The following PBRM1 variants were observed in gnomAD, a reference collection of about 807,000 sequenced individuals.
The protein encoded by PBRM1 is polybromo 1.
In PBRM1, 27 loss-of-function variants were observed where a neutral mutation model predicts 194.5. That is an observed-to-expected ratio of 0.14 (90% confidence interval 0.10 to 0.19). PBRM1 has a LOEUF of 0.19. Among genes scored for constraint, PBRM1 ranks in the 10% least tolerant of loss-of-function variants. The pLI is 1.00. For synonymous variants in PBRM1, 655 were observed against 693.2 expected (o/e 0.94, Z 0.87); for missense variants, 1,466 against 2,077.2 (o/e 0.71, Z 5.72).
At chr3:52,676,268 TG>T (rs914735681) in intron 2 of PBRM1, among the ~76,000 whole-genome samples, 5 of 152,234 alleles carry the variant, frequency 3.3e-5, no homozygotes, top group African/African-American at 1.2e-4. Context: ...CAATACAGTT[TG>T]GCTGTATCCC....
chr3:52,554,843 A>C, exon 27 of PBRM1: 1 of 1,607,176 alleles, frequency 6.2e-7, no homozygotes, highest in Non-Finnish European at 8.5e-7. Flanking sequence ...TGGGCCCTGC[A>C]AAGGTGGAAG....
intron 20 of PBRM1, among the ~76,000 whole-genome samples, chr3:52,584,999 T>C (rs2092144506): frequency 6.6e-6 from 1 of 152,162 alleles, no homozygotes; most frequent in Non-Finnish European, 1.5e-5. Flanking sequence ...TACCAAATAA[T>C]CTTTCCTTTG....
intron 22 of PBRM1, among the ~76,000 whole-genome samples, chr3:52,566,518 G>C (rs1009434567): frequency 2.0e-5 from 3 of 152,146 alleles, no homozygotes; most frequent in African/African-American, 7.2e-5. Context: ...ACATGGATGA[G>C]CCTTGAAAAC....
intron 4 of PBRM1, 97 bp from the exon 6 acceptor site, chr3:52,658,412 C>A (rs953306115): frequency 4.3e-5 from 19 of 445,672 alleles, no homozygotes; most frequent in Non-Finnish European, 7.3e-5. Flanking sequence ...AAAACAGCAA[C>A]TTTTTTTTTT....
downstream of PBRM1, chr3:52,545,411 TG>T: frequency 4.3e-6 from 1 of 231,022 alleles, no homozygotes; most frequent in Non-Finnish European, 8.6e-6. Flanking sequence ...AAGCTTTAGA[TG>T]AACAACAAAA....
At chr3:52,583,407 TA>T (rs1246561017) in intron 20 of PBRM1, among the ~76,000 whole-genome samples, 2 of 142,334 alleles carry the variant, frequency 1.4e-5, no homozygotes, top group Non-Finnish European at 1.5e-5. Context: ...AGACTCCATC[TA>T]AAAAAAAACA....
chr3:52,557,497 C>T (rs941500469), intron 26 of PBRM1, among the ~76,000 whole-genome samples: 4 of 152,150 alleles, frequency 2.6e-5, no homozygotes, highest in African/African-American at 9.7e-5. Flanking sequence ...GAGAAGTGGT[C>T]TGCAGACTTC....
rs1161254980 is a variant in PBRM1, at chr3:52,643,348, C to G, written c.900-5G>C. ...GCAGCCAAGTTGGATGGAGTCCTATCCAGAGATAAGATAAAAAGCTTAGAA... is the reference window on the plus strand; with the variant it reads ...GCAGCCAAGTTGGATGGAGTCCTATGCAGAGATAAGATAAAAAGCTTAGAA... On this transcript the variant is annotated splice_polypyrimidine_tract_variant and splice_region_variant and intron_variant, in intron 8 of 29. Coordinates refer to ENST00000296302, the Ensembl canonical transcript of PBRM1. 1 of 1,599,590 alleles carries G rather than the reference C, an allele frequency of 6.3e-7. No homozygotes were observed. Among genetic ancestry groups the G allele is most frequent in the African/African-American group, 1.3e-5 (1 of 74,598 alleles).
intron 20 of PBRM1, chr3:52,585,361 G>C (rs1027730869): frequency 1.3e-5 from 2 of 152,112 alleles, no homozygotes; most frequent in Admixed American, 6.5e-5. Flanking sequence ...TTTGGGGTCA[G>C]TTCTATGATA....
downstream of PBRM1, chr3:52,546,182 T>TAA (rs2079655693): frequency 4.3e-6 from 1 of 232,314 alleles, no homozygotes. Context: ...TTAAGGGAAA[T>TAA]AAAATGAATG....
intron 7 of PBRM1, among the ~76,000 whole-genome samples, chr3:52,645,782 G>T (rs2096273870): frequency 6.6e-6 from 1 of 152,182 alleles, no homozygotes; most frequent in Non-Finnish European, 1.5e-5. Context: ...AGATAGGACA[G>T]AAGTGGATGG....
chr3:52,681,784 CT>C, upstream of PBRM1: 3 of 924,342 alleles, frequency 3.2e-6, no homozygotes, highest in South Asian at 5.1e-5. Flanking sequence ...GAAGGAAGGG[CT>C]TTAGAAGTGC....
At chr3:52,678,193 C>G (rs1399591473) in intron 2 of PBRM1, among the ~76,000 whole-genome samples, 1 of 152,046 alleles carries the variant, frequency 6.6e-6, no homozygotes, top group Non-Finnish European at 1.5e-5. Context: ...TGTCATACTC[C>G]TTGGATCAAG....
chr3:52,683,731 T>C (rs746977840), upstream of PBRM1, among the ~76,000 whole-genome samples: 1 of 150,596 alleles, frequency 6.6e-6, no homozygotes, highest in African/African-American at 2.5e-5. Flanking sequence ...GGCACGAGAA[T>C]TGCTTGAACC....
chr3:52,647,991 C>G (rs1396272041), intron 7 of PBRM1, among the ~76,000 whole-genome samples: 3 of 151,976 alleles, frequency 2.0e-5, no homozygotes, highest in Non-Finnish European at 2.9e-5. Flanking sequence ...TCACTGCAAC[C>G]TCTGCCTCCC....
At chr3:52,643,301 T>G in exon 9 of PBRM1, 1 of 1,613,960 alleles carries the variant, frequency 6.2e-7, no homozygotes, top group Middle Eastern at 1.6e-4. Flanking sequence ...CTTTACTGTG[T>G]GAAGGACCTG....
At chr3:52,627,881 A>G (rs1015177581) in intron 12 of PBRM1, among the ~76,000 whole-genome samples, 2 of 152,220 alleles carry the variant, frequency 1.3e-5, no homozygotes, top group African/African-American at 2.4e-5. Flanking sequence ...AAAAGGTAAT[A>G]ATACCTGAAA....
intron 3 of PBRM1, among the ~76,000 whole-genome samples, chr3:52,663,562 A>G (rs2096769267): frequency 6.6e-6 from 1 of 152,242 alleles, no homozygotes; most frequent in African/African-American, 2.4e-5. Flanking sequence ...TAATGCTCCA[A>G]TGATCTCTAC....
intron 4 of PBRM1, among the ~76,000 whole-genome samples, chr3:52,661,204 T>G (rs1053524516): frequency 6.6e-6 from 1 of 152,118 alleles, no homozygotes; most frequent in Non-Finnish European, 1.5e-5. Context: ...TTTGTATTTT[T>G]GGTAGAGACA....
Sources: gnomAD v4.1 joint callset for allele counts (sites outside exome capture counted in the v4.1 genomes callset) on GRCh38, gnomAD v4.1.1 for gene constraint, MANE v1.5 for transcripts, NCBI Gene and HGNC (gene_info 2026-07-23, HGNC 2026-07-21) for gene names.